SLC36A4: variants seen among roughly 807,000 people sequenced by gnomAD.
SLC36A4 encodes solute carrier family 36 member 4, also known as neutral amino acid uniporter 4.
SLC36A4 carries 49 observed loss-of-function variants against 50.5 expected under a neutral mutation model. The observed-to-expected ratio is 0.97, with a 90% CI of 0.77 to 1.23. SLC36A4 has a LOEUF of 1.23. Ranked by LOEUF, SLC36A4 falls within the 50% of genes most tolerant of loss-of-function variation. The pLI is 0.00. For missense variants in SLC36A4, 611 were observed against 608.4 expected, an observed-to-expected ratio of 1.00 and a Z score of -0.05; for synonymous variants, 207 against 206.5, an observed-to-expected ratio of 1.00 and a Z score of -0.02.
At chr11:93,177,700 C>A (rs991387743) in intron 6 of SLC36A4, among the ~76,000 whole-genome samples, 1 of 152,180 alleles carries the variant, frequency 6.6e-6, no homozygotes, top group African/African-American at 2.4e-5. Flanking sequence ...TATTGCAGAA[C>A]GGCAAACGTT....
chr11:93,146,769 T>C lies in SLC36A4; in HGVS notation c.*1768A>G, dbSNP rs1424572948. ...CATGTTTTAAAGTCTAAATTGTTTT[T>C]AAAGTCAGAAGACAATTCTATTCTT... On this transcript the variant is annotated 3_prime_UTR_variant, in exon 11 of 11. Coordinates refer to ENST00000326402, the MANE Select transcript of SLC36A4 (RefSeq NM_152313.4). 6.6e-6 allele frequency: 1 copy of C among 152,140 alleles called. No homozygotes were observed. The highest frequency in any genetic ancestry group is 1.5e-5 in the Non-Finnish European group (1 of 68,000). 9.4% of individuals were successfully genotyped at this position (152,140 alleles called of 1,614,324 possible).
intron 7 of SLC36A4, chr11:93,166,224 C>T (rs1468860286): frequency 7.7e-7 from 1 of 1,299,590 alleles, no homozygotes; most frequent in South Asian, 2.0e-5. Context: ...TTGTTTCCCT[C>T]ATGCCCATAC....
At chr11:93,156,536 C>T (rs922940946) in intron 9 of SLC36A4, among the ~76,000 whole-genome samples, 1 of 151,866 alleles carries the variant, frequency 6.6e-6, no homozygotes, top group African/African-American at 2.4e-5. Context: ...TCTCCTGCCT[C>T]AACCTCCCAA....
At chr11:93,184,586 T>G in intron 2 of SLC36A4, 66 bp from the exon 3 acceptor site, 3 of 958,220 alleles carry the variant, frequency 3.1e-6, no homozygotes, top group Admixed American at 2.0e-5. Flanking sequence ...TGATCATGGT[T>G]TTAGTACTAG....
At chr11:93,157,911 A>T (rs1860439388) in intron 9 of SLC36A4, among the ~76,000 whole-genome samples, 1 of 152,158 alleles carries the variant, frequency 6.6e-6, no homozygotes, top group South Asian at 2.1e-4. Flanking sequence ...TACTATGTTG[A>T]ACAGAAGTGG....
At chr11:93,181,075 A>C (rs1861711093) in intron 5 of SLC36A4, among the ~76,000 whole-genome samples, 194 bp from the exon 6 acceptor site, 1 of 152,068 alleles carries the variant, frequency 6.6e-6, no homozygotes, top group African/African-American at 2.4e-5. Context: ...TTAACTATAA[A>C]CTACTCTACT....
chr11:93,166,133 T>C (rs1319980982), intron 7 of SLC36A4, 117 bp from the exon 8 acceptor site: 4 of 1,253,356 alleles, frequency 3.2e-6, no homozygotes, highest in Non-Finnish European at 3.1e-6. Flanking sequence ...TGTTATAAAA[T>C]TGAATAATTG....
chr11:93,177,246 C>T (rs1046794431), intron 6 of SLC36A4, among the ~76,000 whole-genome samples: 2 of 152,196 alleles, frequency 1.3e-5, no homozygotes, highest in Non-Finnish European at 2.9e-5. Context: ...GAATCAGCTA[C>T]TGAAGCTTGT....
intron 6 of SLC36A4, among the ~76,000 whole-genome samples, chr11:93,175,304 C>T (rs1370243849): frequency 2.0e-5 from 3 of 151,888 alleles, no homozygotes; most frequent in Non-Finnish European, 2.9e-5. Context: ...TCCCCTTTAT[C>T]ATTTTTTATT....
At chr11:93,151,015 T>G (rs1411112743) in intron 10 of SLC36A4, among the ~76,000 whole-genome samples, 1 of 152,072 alleles carries the variant, frequency 6.6e-6, no homozygotes, top group Non-Finnish European at 1.5e-5. Context: ...AAAATTTCCA[T>G]CTAGCAAACA....
chr11:93,162,985 C>T (rs895519417), intron 8 of SLC36A4, 110 bp from the exon 9 acceptor site: 1 of 842,312 alleles, frequency 1.2e-6, no homozygotes, highest in Non-Finnish European at 1.8e-6. Flanking sequence ...AAATTTTTTT[C>T]CTTTAAAACA....
intron 9 of SLC36A4, 35 bp downstream of exon 9, chr11:93,162,671 T>C (rs370522295): frequency 2.8e-5 from 42 of 1,496,870 alleles, no homozygotes; most frequent in Admixed American, 1.9e-4. Flanking sequence ...TTATAAAATA[T>C]ATAAACTAAT....
chr11:93,166,943 ATTAT>A (rs1860896745), intron 7 of SLC36A4: 2 of 152,196 alleles, frequency 1.3e-5, no homozygotes, highest in South Asian at 4.1e-4. Flanking sequence ...ATGCTAAACT[ATTAT>A]TTAAGGCAAG....
intron 8 of SLC36A4, 38 bp from the exon 9 acceptor site, chr11:93,162,913 C>T (rs761115728): frequency 3.4e-5 from 53 of 1,573,700 alleles, no homozygotes; most frequent in Non-Finnish European, 4.2e-5. Context: ...TAAGGGAATA[C>T]AAGTATTTAA....
intron 7 of SLC36A4, chr11:93,166,244 G>A: frequency 1.6e-6 from 2 of 1,239,380 alleles, no homozygotes; most frequent in Admixed American, 3.6e-5. Flanking sequence ...CATTCCATCT[G>A]AGCAAAATGC....
rs749379916 is a variant in SLC36A4 at position 93,182,861 on chromosome 11, T to C, written c.304A>G (p.Ile102Val). ...AATATGTGCATACAGTGAACAGAAA[T>C]AATTCCTATAAACACAAGGCTGATT... ...GPISLVFIGIISVHCMHILVR... is the reference protein window; with the variant it reads ...GPISLVFIGIVSVHCMHILVR... Residue 102 changes from isoleucine (I) to valine (V), a missense_variant, in exon 4 of 11, where the codon ATT (isoleucine) becomes GTT (valine). Transcript: ENST00000326402. The C allele has an allele frequency of 8.7e-6, 14 of 1,612,832 alleles. No individual in the cohort carries two copies. In the East Asian group the frequency reaches 2.9e-4, roughly 33 times the overall value.
At chr11:93,173,127 T>C (rs2134671949) in intron 6 of SLC36A4, among the ~76,000 whole-genome samples, 1 of 133,526 alleles carries the variant, frequency 7.5e-6, no homozygotes, top group Admixed American at 7.6e-5. Context: ...GACTTTTTAA[T>C]GATTGCCATT....
chr11:93,196,131 A>G (rs1490522277), intron 1 of SLC36A4, among the ~76,000 whole-genome samples: 2 of 152,184 alleles, frequency 1.3e-5, no homozygotes, highest in Non-Finnish European at 1.5e-5. Context: ...AAAAAAACTG[A>G]AATAATTTGA....
chr11:93,160,417 A>G, intron 9 of SLC36A4: 2 of 985,386 alleles, frequency 2.0e-6, no homozygotes, highest in Non-Finnish European at 2.4e-6. Context: ...AGAAACTATG[A>G]TCTAATGGTC....
Sources: allele counts gnomAD v4.1 joint callset (sites outside exome capture counted in the v4.1 genomes callset), GRCh38; gene constraint gnomAD v4.1.1; transcripts MANE v1.5; gene names NCBI Gene and HGNC (gene_info 2026-07-23, HGNC 2026-07-21).